The following CTNNA3 variants were observed in gnomAD, a reference collection of about 807,000 sequenced individuals.
CTNNA3 encodes catenin alpha-3.
Under a neutral mutation model 95.7 loss-of-function variants are expected in CTNNA3, and 76 were observed. That is an observed-to-expected ratio of 0.79 (90% CI 0.66 to 0.96). The LOEUF (loss-of-function observed/expected upper bound fraction) is 0.96, where lower values mean the gene tolerates loss of function less well. CTNNA3 is among the 40% of genes least tolerant of loss of function. CTNNA3 has a pLI of 0.00. For missense variants in CTNNA3, 1,191 were observed against 1,089.8 expected (o/e 1.09, Z -1.31); for synonymous variants, 431 against 374.4 (o/e 1.15, Z -1.74).
chr10:66,309,259 GT>G (rs1295259034), intron 12 of CTNNA3, among the ~76,000 whole-genome samples: 4 of 152,122 alleles, frequency 2.6e-5, no homozygotes, highest in African/African-American at 2.4e-5. Context: ...TGCTTCATGA[GT>G]TTTTTCACCA....
chr10:66,809,647 TAGAA>T (rs1460226345), intron 7 of CTNNA3, among the ~76,000 whole-genome samples: 1 of 152,202 alleles, frequency 6.6e-6, no homozygotes, highest in Non-Finnish European at 1.5e-5. Context: ...GTCACGCTGA[TAGAA>T]AGCATCCTTG....
At chr10:67,419,576 G>T (rs1386722978) in intron 5 of CTNNA3, among the ~76,000 whole-genome samples, 1 of 152,004 alleles carries the variant, frequency 6.6e-6, no homozygotes, top group Non-Finnish European at 1.5e-5. Flanking sequence ...TATGCCTCTA[G>T]AGTAATTCTG....
At chr10:67,203,428 T>C (rs1863736344) in intron 6 of CTNNA3, among the ~76,000 whole-genome samples, 1 of 152,178 alleles carries the variant, frequency 6.6e-6, no homozygotes, top group African/African-American at 2.4e-5. Context: ...CCTCTATAAA[T>C]TATCCAGTCT....
At chr10:67,618,625 T>C (rs1427055448) in intron 2 of CTNNA3, among the ~76,000 whole-genome samples, 2 of 152,202 alleles carry the variant, frequency 1.3e-5, no homozygotes, top group African/African-American at 4.8e-5. Context: ...AAAATATACA[T>C]AGCTACTTGC....
At chr10:66,606,737 A>T (rs1398226591) in intron 10 of CTNNA3, among the ~76,000 whole-genome samples, 1 of 152,176 alleles carries the variant, frequency 6.6e-6, no homozygotes, top group Non-Finnish European at 1.5e-5. Context: ...GAGAACAAAG[A>T]TACCTCACGC....
intron 13 of CTNNA3, among the ~76,000 whole-genome samples, chr10:66,280,045 T>G (rs1364431006): frequency 1.3e-5 from 2 of 152,024 alleles, no homozygotes; most frequent in African/African-American, 2.4e-5. Flanking sequence ...GATTTTATGA[T>G]CTAGGATGAG....
chr10:66,375,546 A>G (rs1036552658), intron 12 of CTNNA3, among the ~76,000 whole-genome samples: 5 of 151,236 alleles, frequency 3.3e-5, no homozygotes, highest in African/African-American at 1.2e-4. Flanking sequence ...TAAAACCTTT[A>G]GTTTTTATAA....
chr10:65,926,161 T>C (rs1047997278), intron 17 of CTNNA3, among the ~76,000 whole-genome samples: 5 of 151,418 alleles, frequency 3.3e-5, no homozygotes, highest in Non-Finnish European at 7.4e-5. Flanking sequence ...AAATCACATT[T>C]ATAAGATCAA....
chr10:67,610,864 CCT>C (rs1328410917), intron 2 of CTNNA3, among the ~76,000 whole-genome samples: 3 of 152,168 alleles, frequency 2.0e-5, no homozygotes, highest in Admixed American at 6.5e-5. Context: ...CTCCCATTCC[CCT>C]CTTTCTCAGA....
At chr10:66,279,490 A>G (rs998013192) in intron 13 of CTNNA3, among the ~76,000 whole-genome samples, 28 of 152,076 alleles carry the variant, frequency 1.8e-4, no homozygotes, top group African/African-American at 6.8e-4. Flanking sequence ...CATGAGGTTC[A>G]GGTGACACCT....
chr10:66,187,320 AAAC>A (rs1323360707), intron 13 of CTNNA3, among the ~76,000 whole-genome samples: 9 of 151,828 alleles, frequency 5.9e-5, no homozygotes, highest in African/African-American at 2.2e-4. Context: ...AGTTAGGAAA[AAAC>A]AACAAGGCAA....
intron 7 of CTNNA3, among the ~76,000 whole-genome samples, chr10:66,823,024 C>T (rs1842356218): frequency 6.6e-6 from 1 of 152,120 alleles, no homozygotes; most frequent in Non-Finnish European, 1.5e-5. Context: ...CTACAATTAC[C>T]ACCCTGCAAA....
intron 3 of CTNNA3, among the ~76,000 whole-genome samples, chr10:67,571,598 T>G (rs1841978616): frequency 6.6e-6 from 1 of 152,208 alleles, no homozygotes; most frequent in Non-Finnish European, 1.5e-5. Flanking sequence ...GAGTAGATTA[T>G]AATAGACTAT....
At chr10:66,369,138 C>G (rs1259590992) in intron 12 of CTNNA3, among the ~76,000 whole-genome samples, 1 of 152,096 alleles carries the variant, frequency 6.6e-6, no homozygotes, top group Non-Finnish European at 1.5e-5. Flanking sequence ...GAAGAAATCT[C>G]TTCCCAGGTC....
chr10:66,360,804 C>CTTTCTTT (rs1564897149), intron 12 of CTNNA3, among the ~76,000 whole-genome samples: 7 of 69,884 alleles, frequency 1.0e-4, no homozygotes, highest in South Asian at 9.3e-4. Flanking sequence ...TTCCTTCCTT[C>CTTTCTTT]CTTCCTTCCT....
chr10:66,596,173 G>A (rs1055650604), intron 10 of CTNNA3, among the ~76,000 whole-genome samples: 10 of 151,866 alleles, frequency 6.6e-5, no homozygotes, highest in African/African-American at 2.4e-4. Context: ...AGGGGGTAGG[G>A]GCCGTGGCAG....
At chr10:66,742,240 T>C (rs1226033144) in intron 9 of CTNNA3, among the ~76,000 whole-genome samples, 2 of 152,184 alleles carry the variant, frequency 1.3e-5, no homozygotes, top group Non-Finnish European at 2.9e-5. Flanking sequence ...TGGTCGTAGC[T>C]GTGGGATGAA....
intron 2 of CTNNA3, among the ~76,000 whole-genome samples, chr10:67,632,638 C>T (rs149480794): frequency 6.6e-5 from 10 of 152,306 alleles, no homozygotes; most frequent in African/African-American, 2.4e-4. Context: ...TGAGACCCCA[C>T]CTGGAAAACC....
intron 13 of CTNNA3, among the ~76,000 whole-genome samples, chr10:66,159,308 T>C (rs1174661393): frequency 6.6e-6 from 1 of 152,098 alleles, no homozygotes; most frequent in Non-Finnish European, 1.5e-5. Flanking sequence ...CATAGATGGC[T>C]TTTATTACAT....
Sources: allele counts gnomAD v4.1 joint callset (sites outside exome capture counted in the v4.1 genomes callset), GRCh38; gene constraint gnomAD v4.1.1; transcripts MANE v1.5; gene names NCBI Gene and HGNC (gene_info 2026-07-23, HGNC 2026-07-21).